Variants in FAM107B observed in about 807,000 individuals in gnomAD.
FAM107B encodes the protein protein FAM107B.
FAM107B carries 21 observed loss-of-function variants against 31.5 expected under a neutral mutation model. The observed-to-expected ratio is 0.67, with a 90% CI of 0.47 to 0.96. FAM107B has a LOEUF of 0.96. FAM107B is among the 40% of genes least tolerant of loss of function. FAM107B has a pLI of 0.00. For synonymous variants in FAM107B, 157 were observed against 141.5 expected, an observed-to-expected ratio of 1.11 and a Z score of -0.78; for missense variants, 452 against 377.1, an observed-to-expected ratio of 1.20 and a Z score of -1.64.
intron 1 of FAM107B, among the ~76,000 whole-genome samples, chr10:14,765,357 C>G: frequency 6.6e-6 from 1 of 152,166 alleles, no homozygotes; most frequent in East Asian, 1.9e-4. Context: ...AAATCTGCAC[C>G]ATGTAAATTT....
intron 1 of FAM107B, among the ~76,000 whole-genome samples, chr10:14,772,674 C>G (rs1833333543): frequency 6.6e-6 from 1 of 152,118 alleles, no homozygotes; most frequent in South Asian, 2.1e-4. Context: ...TGGATTGTTA[C>G]AATGTCCTCT....
In FAM107B at chr10:14,723,781, G is replaced by A. The variant is rs1416945903; in HGVS notation, c.411+50472C>T. On this transcript the variant is annotated intron_variant, in intron 1 of 4. Transcript: ENST00000181796. The stretch of plus-strand genomic sequence containing the variant: ...AGCAATTAGAGTGGCTCCAGTGGCA[G>A]CAGCAAACTTCAGCAGGGCCCTCTG... 10 of 757,960 alleles carry A rather than the reference G, an allele frequency of 1.3e-5. No individual in the cohort carries two copies. In the East Asian group the frequency reaches 2.2e-4, roughly 17 times the overall value. The allele number at this position is 757,960 out of a possible 1,614,324, so 47.0% of individuals were successfully genotyped here.
intron 2 of FAM107B, among the ~76,000 whole-genome samples, chr10:14,580,160 C>G (rs1187216767): frequency 1.3e-5 from 2 of 152,098 alleles, no homozygotes; most frequent in Non-Finnish European, 2.9e-5. Flanking sequence ...GAGATCAAGA[C>G]CATCCTGGCT....
chr10:14,659,312 G>A (rs149147809), intron 2 of FAM107B, among the ~76,000 whole-genome samples: 1,528 of 152,166 alleles, frequency 0.01, 28 homozygotes, highest in African/African-American at 0.033. Flanking sequence ...ATGGTGGCGC[G>A]CACCTGTAGT....
intron 1 of FAM107B, among the ~76,000 whole-genome samples, chr10:14,761,631 G>A (rs886531082): frequency 5.9e-5 from 9 of 151,848 alleles, no homozygotes; most frequent in Non-Finnish European, 8.8e-5. Context: ...CGACAGTCTC[G>A]GTCTGTCACC....
Position 14,720,643 on chromosome 10 carries a change from A to C in FAM107B, c.412-52952T>G, listed in dbSNP as rs577291099. Reference sequence around the variant, plus strand: ...TTAGCTGAAGGGTTATTTTAGAAACATAAGAAAATTATAACGAACAGAATG... The same window carrying C: ...TTAGCTGAAGGGTTATTTTAGAAACCTAAGAAAATTATAACGAACAGAATG... On this transcript the variant is annotated intron_variant, in intron 1 of 4. Coordinates refer to ENST00000181796, the MANE Select transcript of FAM107B (RefSeq NM_031453.4). 4.6e-5 allele frequency among the ~76,000 whole-genome samples: 7 copies of C among 152,320 alleles called. No individual in the cohort carries two copies. The South Asian group carries it at 1.0e-3, about 23-fold the overall frequency.
In FAM107B at chr10:14,538,628, G is replaced by A. The variant is rs11259169; in HGVS notation, c.470-8113C>T. On this transcript the variant is annotated intron_variant, in intron 2 of 4. Coordinates refer to ENST00000181796, the MANE Select transcript of FAM107B (RefSeq NM_031453.4). ...ATTGTTTCTGGATAATACAGATTCT[G>A]GTGACACAGGTGTGTTTCCTCTAAA... is the stretch of plus-strand genomic sequence containing the variant. 2.1e-3 allele frequency among the ~76,000 whole-genome samples: 314 copies of A among 152,310 alleles called. 2 individuals carry two copies. The highest frequency in any genetic ancestry group is 7.0e-3 in the African/African-American group (292 of 41,562).
At chr10:14,629,521 A>ATATTTTT (rs1172189422) in intron 2 of FAM107B, among the ~76,000 whole-genome samples, 34 of 97,814 alleles carry the variant, frequency 3.5e-4, no homozygotes, top group African/African-American at 8.3e-4. Flanking sequence ...ATATATATAT[A>ATATTTTT]TTTTTTTTTG....
chr10:14,647,781 C>A (rs1036848208), intron 2 of FAM107B, among the ~76,000 whole-genome samples: 9 of 151,812 alleles, frequency 5.9e-5, no homozygotes, highest in African/African-American at 9.7e-5. Flanking sequence ...ATTCTGGACT[C>A]ATCTCAGAGT....
chr10:14,616,023 G>C (rs992441361), intron 2 of FAM107B, among the ~76,000 whole-genome samples: 3 of 152,062 alleles, frequency 2.0e-5, no homozygotes, highest in African/African-American at 7.2e-5. Context: ...TCCCTTAATA[G>C]TTTATTCCTT....
At chr10:14,587,067 C>A (rs1246352111) in intron 2 of FAM107B, among the ~76,000 whole-genome samples, 1 of 152,182 alleles carries the variant, frequency 6.6e-6, no homozygotes, top group African/African-American at 2.4e-5. Flanking sequence ...GGAGCAGACA[C>A]TAACCTCTGT....
chr10:14,558,139 G>A (rs907186029), intron 2 of FAM107B, among the ~76,000 whole-genome samples: 10 of 152,176 alleles, frequency 6.6e-5, no homozygotes, highest in Non-Finnish European at 1.2e-4. Flanking sequence ...CCAGACTTGG[G>A]CATTCATGAC....
At chr10:14,749,050 T>C (rs1463484730) in intron 1 of FAM107B, among the ~76,000 whole-genome samples, 2 of 152,226 alleles carry the variant, frequency 1.3e-5, no homozygotes, top group Admixed American at 6.5e-5. Context: ...AGAGCCAGAA[T>C]GCTTCTCGTA....
At chr10:14,702,970 T>G (rs183226269) in intron 1 of FAM107B, among the ~76,000 whole-genome samples, 45 of 152,300 alleles carry the variant, frequency 3.0e-4, no homozygotes, top group African/African-American at 1.0e-3. Flanking sequence ...TACAAAATCA[T>G]GTTTATCTCT....
At chr10:14,723,237 T>C (rs1855954314) in intron 1 of FAM107B, 1 of 530,710 alleles carries the variant, frequency 1.9e-6, no homozygotes, top group Non-Finnish European at 3.7e-6. Context: ...ATCAGTCTTC[T>C]GTGGTGGGGC....
rs1222529006 is a variant in FAM107B, at chr10:14,520,412, A to G, written c.*778T>C. 6.6e-6 allele frequency: 1 copy of G among 152,278 alleles called. No homozygotes were observed. Among genetic ancestry groups the G allele is most frequent in the Non-Finnish European group, 1.5e-5 (1 of 68,050 alleles). 9.4% of individuals were successfully genotyped at this position (152,278 alleles called of 1,614,324 possible). ...GAAGGTTATTCCATCTGAAAGAACT[A>G]GATCAGCAAGACATTTAAAAACAAA... On this transcript the variant is annotated 3_prime_UTR_variant, in exon 5 of 5. Transcript: ENST00000181796.
chr10:14,638,874 G>C (rs1363900474), intron 2 of FAM107B, among the ~76,000 whole-genome samples: 2 of 152,012 alleles, frequency 1.3e-5, no homozygotes, highest in East Asian at 1.9e-4. Context: ...CTTCCTTCTA[G>C]AGTGTTCTCT....
intron 1 of FAM107B, among the ~76,000 whole-genome samples, chr10:14,747,151 T>C (rs1832741143): frequency 6.6e-6 from 1 of 152,220 alleles, no homozygotes; most frequent in Non-Finnish European, 1.5e-5. Context: ...TCAGGTCATT[T>C]ATGTTCCTCT....
intron 2 of FAM107B, chr10:14,555,895 A>ACACG (rs1491327629): frequency 1.8e-4 from 1 of 5,540 alleles, no homozygotes; most frequent in African/African-American, 3.8e-4. Context: ...GACATCTTTA[A>ACACG]CACACACACA....
Sources: allele counts gnomAD v4.1 joint callset (sites outside exome capture counted in the v4.1 genomes callset), GRCh38; gene constraint gnomAD v4.1.1; transcripts MANE v1.5; gene names NCBI Gene and HGNC (gene_info 2026-07-23, HGNC 2026-07-21).